SOX6: variants seen among roughly 807,000 people sequenced by gnomAD.
The protein encoded by SOX6 is SRY-box transcription factor 6.
SOX6 carries 11 observed loss-of-function variants against 97.8 expected under a neutral mutation model. The observed-to-expected ratio is 0.11, with a 90% CI of 0.07 to 0.19. SOX6 has a LOEUF of 0.19. Ranked by LOEUF, SOX6 falls within the 10% of genes least tolerant of loss-of-function variation. The pLI is 1.00. For missense variants in SOX6, 810 were observed against 1,039.5 expected (o/e 0.78, Z 3.04); for synonymous variants, 360 against 371.4 (o/e 0.97, Z 0.35).
At chr11:16,347,337 C>T (rs1010972883) in intron 1 of SOX6, among the ~76,000 whole-genome samples, 1 of 152,046 alleles carries the variant, frequency 6.6e-6, no homozygotes, top group Non-Finnish European at 1.5e-5. Flanking sequence ...CTACCAATAA[C>T]TTTTTGGAAT....
rs557224885 is a variant in SOX6 at position 15,993,849 on chromosome 11, A to C, written c.1733-4619T>G. On this transcript the variant is annotated intron_variant, in intron 13 of 15. Transcript: ENST00000683767. ...GTGGGTTGGAAAGAAGGCCAGTTTC[A>C]CCATCATAGCCTCTGGCAATGGTCC... is the stretch of plus-strand genomic sequence containing the variant. Among the ~76,000 whole-genome samples the C allele has an allele frequency of 1.7e-3, 253 of 152,324 alleles. No homozygotes were observed. In the Middle Eastern group the frequency reaches 0.02, roughly 12 times the overall value.
chr11:16,656,782 T>C (rs998282592), intron 3 of SOX6, among the ~76,000 whole-genome samples: 1 of 152,168 alleles, frequency 6.6e-6, no homozygotes, highest in Non-Finnish European at 1.5e-5. Context: ...AAAAATAATC[T>C]ATTACATTGT....
At chr11:16,142,547 C>T (rs1441495924) in intron 6 of SOX6, among the ~76,000 whole-genome samples, 2 of 152,082 alleles carry the variant, frequency 1.3e-5, no homozygotes, top group Non-Finnish European at 2.9e-5. Context: ...GATGATCAAA[C>T]TTCTCTGAGC....
At chr11:16,711,810 C>T (rs1848182907) in intron 3 of SOX6, among the ~76,000 whole-genome samples, 1 of 151,796 alleles carries the variant, frequency 6.6e-6, no homozygotes, top group South Asian at 2.1e-4. Flanking sequence ...TTTTGGTGCA[C>T]CCATCACCTA....
chr11:16,613,070 G>A lies in SOX6; in HGVS notation n.430-810C>T, dbSNP rs536310537. On this transcript the variant is annotated intron_variant and non_coding_transcript_variant, in intron 3 of 5. Coordinates refer to the SOX6 transcript ENST00000524520. The surrounding 1 kb of genome is among the most constrained non-coding windows in gnomAD (Gnocchi z 4.6). ...AATGTCTGGAAAGAAAAAAAGGGAG[G>A]AAAAAAGGAGGGGGGCAGCTCAAGC... is the stretch of plus-strand genomic sequence containing the variant. 2.0e-5 allele frequency: 3 copies of A among 152,788 alleles called. No individual in the cohort carries two copies. In the South Asian group the frequency reaches 6.2e-4, roughly 32 times the overall value. 9.5% of individuals were successfully genotyped at this position (152,788 alleles called of 1,614,324 possible). A position where few individuals can be genotyped will look rare whatever the true frequency, so the allele number is the denominator to read the frequency against.
At chr11:16,019,931 A>G (rs1290589943) in intron 12 of SOX6, among the ~76,000 whole-genome samples, 1 of 152,124 alleles carries the variant, frequency 6.6e-6, no homozygotes, top group Non-Finnish European at 1.5e-5. Flanking sequence ...TCAGAGTTTC[A>G]GCTATGTCTA....
At chr11:16,535,877 C>G (rs1274837847) in intron 4 of SOX6, among the ~76,000 whole-genome samples, 3 of 152,178 alleles carry the variant, frequency 2.0e-5, no homozygotes, top group Non-Finnish European at 4.4e-5. Flanking sequence ...ACAATTCTAC[C>G]TGAAAAAGGC....
intron 7 of SOX6, among the ~76,000 whole-genome samples, chr11:16,104,160 C>T (rs116892542): frequency 0.032 from 4,831 of 151,862 alleles, 115 homozygotes; most frequent in Non-Finnish European, 0.051. Context: ...ACCCCAACAC[C>T]GATTTAAAAA....
At chr11:16,723,354 G>A (rs1022149267) in intron 2 of SOX6, among the ~76,000 whole-genome samples, 2 of 152,086 alleles carry the variant, frequency 1.3e-5, no homozygotes, top group African/African-American at 2.4e-5. Flanking sequence ...GGAGCAAGAG[G>A]AGCCGAGAAG....
chr11:15,989,951 G>C lies in SOX6; in HGVS notation c.1733-721C>G, dbSNP rs974287838. Among the ~76,000 whole-genome samples, 3 of 152,114 alleles carry C rather than the reference G, an allele frequency of 2.0e-5. No individual in the cohort carries two copies. In the East Asian group the frequency reaches 5.8e-4, roughly 29 times the overall value. On this transcript the variant is annotated intron_variant, in intron 13 of 15. Coordinates refer to ENST00000683767, the MANE Select transcript of SOX6 (RefSeq NM_001367873.1). ...AAGCACCAGATAGAATGGTCAGCTA[G>C]TGCTTCCTAGGAGATGTGATGTCTA... is the stretch of plus-strand genomic sequence containing the variant.
At chr11:16,615,169 T>G (rs1299257306) in intron 3 of SOX6, among the ~76,000 whole-genome samples, 1 of 152,050 alleles carries the variant, frequency 6.6e-6, no homozygotes, top group African/African-American at 2.4e-5. Context: ...GAATCCCAAT[T>G]ATAGAAACAC....
chr11:16,107,691 G>A (rs535787487), intron 7 of SOX6, among the ~76,000 whole-genome samples: 2 of 151,936 alleles, frequency 1.3e-5, no homozygotes, highest in East Asian at 3.9e-4. Flanking sequence ...TGGGTATGAT[G>A]AAAAAGTTTT....
At chr11:16,732,550 C>G (rs1381947856) in intron 2 of SOX6, among the ~76,000 whole-genome samples, 2 of 152,172 alleles carry the variant, frequency 1.3e-5, no homozygotes, top group Non-Finnish European at 1.5e-5. Flanking sequence ...AAAACTGAAA[C>G]TGGACCCCTT....
chr11:16,238,486 G>A (rs572135319), intron 3 of SOX6, among the ~76,000 whole-genome samples: 5 of 152,126 alleles, frequency 3.3e-5, no homozygotes, highest in African/African-American at 1.2e-4. Flanking sequence ...TATGATGTAA[G>A]AAAAATGAAA....
chr11:16,663,047 A>C (rs1847778135), intron 3 of SOX6, among the ~76,000 whole-genome samples: 1 of 152,174 alleles, frequency 6.6e-6, no homozygotes, highest in South Asian at 2.1e-4. Context: ...CAGTTAAAAA[A>C]AAAAAGAAAG....
At chr11:16,288,418 G>T (rs564582510) in intron 3 of SOX6, among the ~76,000 whole-genome samples, 2 of 152,004 alleles carry the variant, frequency 1.3e-5, no homozygotes, top group South Asian at 4.1e-4. Context: ...TGGTTTGTGG[G>T]CTTTGTGTTT....
intron 3 of SOX6, among the ~76,000 whole-genome samples, chr11:16,695,967 T>C (rs1848050863): frequency 6.6e-6 from 1 of 152,170 alleles, no homozygotes; most frequent in African/African-American, 2.4e-5. Context: ...GCCAAGATCA[T>C]GCCACTGCAC....
chr11:16,339,241 C>T (rs1277595691), intron 2 of SOX6, among the ~76,000 whole-genome samples: 2 of 151,992 alleles, frequency 1.3e-5, no homozygotes, highest in Non-Finnish European at 1.5e-5. Context: ...ATGCTTCAAA[C>T]GTTTTCCATT....
At chr11:16,190,448 A>G (rs756914536) in intron 4 of SOX6, among the ~76,000 whole-genome samples, 2 of 152,208 alleles carry the variant, frequency 1.3e-5, no homozygotes, top group African/African-American at 2.4e-5. Flanking sequence ...CAAATAAAAC[A>G]ACACAATATA....
Sources: gnomAD v4.1 joint callset for allele counts (sites outside exome capture counted in the v4.1 genomes callset) on GRCh38, gnomAD v4.1.1 for gene constraint, Gnocchi (gnomAD v3.1) non-coding constraint, MANE v1.5 for transcripts, NCBI Gene and HGNC (gene_info 2026-07-23, HGNC 2026-07-21) for gene names.